The following PTPN14 variants were observed in gnomAD, a reference collection of about 807,000 sequenced individuals.
PTPN14 encodes the protein tyrosine-protein phosphatase non-receptor type 14.
A neutral mutation model predicts 126.8 loss-of-function variants in PTPN14; 53 were observed. The ratio of observed to expected loss-of-function variants is 0.42; its 90% CI spans 0.34 to 0.53. The LOEUF (loss-of-function observed/expected upper bound fraction) is 0.53, where lower values mean the gene tolerates loss of function less well. Ranked by LOEUF, PTPN14 falls within the 20% of genes least tolerant of loss-of-function variation. The pLI is 0.08. For synonymous variants in PTPN14, 630 were observed against 599.3 expected, an observed-to-expected ratio of 1.05 and a Z score of -0.75; for missense variants, 1,257 against 1,552.9, an observed-to-expected ratio of 0.81 and a Z score of 3.20.
chr1:214,396,256 A>G (rs1201600682), intron 8 of PTPN14, among the ~76,000 whole-genome samples: 1 of 152,230 alleles, frequency 6.6e-6, no homozygotes, highest in African/African-American at 2.4e-5. Context: ...TACCTGACTT[A>G]GCATGTTTAC....
chr1:214,496,611 A>G (rs1654523000), intron 1 of PTPN14, among the ~76,000 whole-genome samples: 1 of 152,228 alleles, frequency 6.6e-6, no homozygotes. Context: ...TGATACCTGT[A>G]TATTCTTTTT....
chr1:214,448,808 T>C (rs2102630261), intron 3 of PTPN14, among the ~76,000 whole-genome samples: 1 of 152,178 alleles, frequency 6.6e-6, no homozygotes, highest in East Asian at 1.9e-4. Context: ...CTTTTGTAAG[T>C]CTTGTTCCAT....
chr1:214,535,190 T>C (rs1571654730), intron 1 of PTPN14, among the ~76,000 whole-genome samples: 1 of 152,224 alleles, frequency 6.6e-6, no homozygotes, highest in East Asian at 1.9e-4. Context: ...TTATACTTCA[T>C]CTGCACCTAC....
At chr1:214,542,567 C>T (rs930305876) in intron 1 of PTPN14, among the ~76,000 whole-genome samples, 6 of 152,084 alleles carry the variant, frequency 3.9e-5, no homozygotes, top group Non-Finnish European at 7.4e-5. Flanking sequence ...ACACAGGGCA[C>T]AGTGAGGTCA....
chr1:214,452,900 T>A (rs1660302523), intron 2 of PTPN14, among the ~76,000 whole-genome samples: 1 of 152,162 alleles, frequency 6.6e-6, no homozygotes, highest in South Asian at 2.1e-4. Flanking sequence ...CAAAAGAATG[T>A]TTTCATTACA....
chr1:214,448,394 C>T (rs927051080), intron 3 of PTPN14, among the ~76,000 whole-genome samples: 2 of 103,004 alleles, frequency 1.9e-5, no homozygotes, highest in Non-Finnish European at 4.0e-5. Flanking sequence ...CCAAGCCGGG[C>T]TAATTTTTTT....
intron 3 of PTPN14, among the ~76,000 whole-genome samples, chr1:214,434,137 A>G (rs771731090): frequency 5.3e-5 from 8 of 152,068 alleles, no homozygotes; most frequent in Non-Finnish European, 1.0e-4. Context: ...GTCTCAAGAA[A>G]AACCCAAAAA....
chr1:214,486,908 G>A (rs1199090773), intron 1 of PTPN14, among the ~76,000 whole-genome samples: 1 of 34,692 alleles, frequency 2.9e-5, no homozygotes, highest in Admixed American at 2.7e-4. Context: ...CGTAAATCTG[G>A]AAAAGTTGAC....
intron 2 of PTPN14, among the ~76,000 whole-genome samples, chr1:214,464,382 C>T (rs911989014): frequency 6.6e-5 from 10 of 152,126 alleles, no homozygotes; most frequent in African/African-American, 2.4e-4. Flanking sequence ...AAAACCTCTT[C>T]CCCAGCTGAA....
chr1:214,410,299 T>C (rs1314149083), intron 5 of PTPN14, among the ~76,000 whole-genome samples: 4 of 147,830 alleles, frequency 2.7e-5, no homozygotes, highest in South Asian at 2.1e-4. Context: ...CTTTTTTTTT[T>C]CTTTTTTTTT....
At chr1:214,362,655 A>G (rs1657982840) in intron 18 of PTPN14, among the ~76,000 whole-genome samples, 1 of 152,200 alleles carries the variant, frequency 6.6e-6, no homozygotes, top group Non-Finnish European at 1.5e-5. Context: ...CGTGTCAGAC[A>G]AGACAGAATG....
chr1:214,520,453 A>G (rs902938942), intron 1 of PTPN14, among the ~76,000 whole-genome samples: 3 of 152,224 alleles, frequency 2.0e-5, no homozygotes, highest in African/African-American at 7.2e-5. Flanking sequence ...GTTTTGATTC[A>G]AGAAAGTTAC....
chr1:214,499,484 C>A (rs780971816), intron 1 of PTPN14, among the ~76,000 whole-genome samples: 3 of 152,066 alleles, frequency 2.0e-5, no homozygotes, highest in Non-Finnish European at 4.4e-5. Context: ...GGCTGCCGAG[C>A]AGGAGTGAAA....
intron 3 of PTPN14, among the ~76,000 whole-genome samples, chr1:214,449,866 G>GA (rs1660233606): frequency 6.6e-6 from 1 of 151,538 alleles, no homozygotes; most frequent in African/African-American, 2.4e-5. Flanking sequence ...AGGAAAGAAC[G>GA]AAAGTGAAAA....
intron 1 of PTPN14, among the ~76,000 whole-genome samples, chr1:214,527,177 C>T (rs1655421710): frequency 6.6e-6 from 1 of 151,870 alleles, no homozygotes; most frequent in South Asian, 2.1e-4. Context: ...CCACCTTCTG[C>T]AGAGGAAAGC....
chr1:214,445,206 T>A (rs886580638), intron 3 of PTPN14, among the ~76,000 whole-genome samples: 3 of 152,194 alleles, frequency 2.0e-5, no homozygotes, highest in African/African-American at 4.8e-5. Flanking sequence ...GGGATACCCA[T>A]AGCTGCTGAG....
rs1330910593 is a variant in PTPN14, at chr1:214,349,954, A to AC, written c.*7967dup. On this transcript the variant is annotated 3_prime_UTR_variant, in exon 19 of 19. Transcript: ENST00000366956. ...GCCAGGCACCCCAGTTCTGAGAGCC[A>AC]CCCTAGCTAAACTCAAAGCAGCATT... 1 of 152,196 alleles carries AC rather than the reference A, an allele frequency of 6.6e-6. No individual in the cohort carries two copies. The highest frequency in any genetic ancestry group is 1.5e-5 in the Non-Finnish European group (1 of 68,044). 9.4% of individuals were successfully genotyped at this position (152,196 alleles called of 1,614,324 possible). A position where few individuals can be genotyped will look rare whatever the true frequency, so the allele number is the denominator to read the frequency against.
At chr1:214,502,058 C>CAAA (rs60034306) in intron 1 of PTPN14, among the ~76,000 whole-genome samples, 1 of 70,954 alleles carries the variant, frequency 1.4e-5, no homozygotes, top group Non-Finnish European at 3.1e-5. Context: ...GGCTCTGTCT[C>CAAA]AAAAAAAAAA....
At chr1:214,394,861 G>T in intron 9 of PTPN14, 38 bp downstream of exon 9, 1 of 1,561,176 alleles carries the variant, frequency 6.4e-7, no homozygotes, top group Non-Finnish European at 8.8e-7. Flanking sequence ...AAAAGCCAGT[G>T]TCTTGTCAGA....
Sources: allele counts gnomAD v4.1 joint callset (sites outside exome capture counted in the v4.1 genomes callset), GRCh38; gene constraint gnomAD v4.1.1; transcripts MANE v1.5; gene names NCBI Gene and HGNC (gene_info 2026-07-23, HGNC 2026-07-21).